Variants in STK3 observed in about 807,000 individuals in gnomAD.
STK3 encodes serine/threonine-protein kinase 3.
In STK3, 41 loss-of-function variants were observed where a neutral mutation model predicts 58.0. The ratio of observed to expected loss-of-function variants is 0.71; its 90% CI spans 0.55 to 0.92. The LOEUF is 0.92. Ranked by LOEUF, STK3 falls within the 40% of genes least tolerant of loss-of-function variation. The probability of loss-of-function intolerance (pLI) is 0.00; values close to 1 mark genes in which losing one functional copy is unlikely to be tolerated. For missense variants in STK3, 479 were observed against 602.7 expected, an observed-to-expected ratio of 0.79 and a Z score of 2.15; for synonymous variants, 170 against 191.0, an observed-to-expected ratio of 0.89 and a Z score of 0.91.
In STK3 at chr8:98,455,510, G is replaced by T. The variant is rs1161643789; in HGVS notation, c.*332C>A. On this transcript the variant is annotated 3_prime_UTR_variant, in exon 11 of 11. Transcript: ENST00000419617. ...GGAATAAAGAATATTGTAACATAAA[G>T]CCCTTCAGTGCTGTACAATGCAACA... The T allele has an allele frequency of 4.4e-6, 1 of 226,616 alleles. No homozygotes were observed. The highest frequency in any genetic ancestry group is 2.3e-5 in the African/African-American group (1 of 43,146). The allele number at this position is 226,616 out of a possible 1,614,324, so 14.0% of individuals were successfully genotyped here.
chr8:98,374,836 T>G (rs2130993344), intron 2 of STK3, among the ~76,000 whole-genome samples: 1 of 152,282 alleles, frequency 6.6e-6, no homozygotes, highest in South Asian at 2.1e-4. Flanking sequence ...AAAGATACTC[T>G]GGAAGGATAC....
chr8:98,753,694 T>G (rs1830120758), intron 3 of STK3, among the ~76,000 whole-genome samples: 1 of 151,952 alleles, frequency 6.6e-6, no homozygotes, highest in Non-Finnish European at 1.5e-5. Context: ...GTTTAAAATT[T>G]TCCCATTATA....
At chr8:98,347,408 G>A in the STK3 span, among the ~76,000 whole-genome samples, 3 of 151,558 alleles carry the variant, frequency 2.0e-5, no homozygotes, top group South Asian at 2.1e-4. Context: ...CCAGCTACTC[G>A]GGAGGCTGAG....
intron 3 of STK3, among the ~76,000 whole-genome samples, chr8:98,849,864 G>A (rs555889146): frequency 6.6e-6 from 1 of 152,228 alleles, no homozygotes; most frequent in Non-Finnish European, 1.5e-5. Flanking sequence ...CCATTCCTGT[G>A]GCAGGAATCA....
At chr8:98,466,356 C>T (rs949926717) in intron 10 of STK3, among the ~76,000 whole-genome samples, 27 of 152,166 alleles carry the variant, frequency 1.8e-4, no homozygotes, top group Admixed American at 1.6e-3. Context: ...TACACTCTTT[C>T]GGCTATGCAA....
At chr8:98,553,773 G>C (rs1039919120) in intron 8 of STK3, among the ~76,000 whole-genome samples, 3 of 152,054 alleles carry the variant, frequency 2.0e-5, no homozygotes, top group Non-Finnish European at 4.4e-5. Flanking sequence ...AGACCAGCCT[G>C]GCCAACATAG....
rs556253170 is a variant in STK3, at chr8:98,425,983, G to A, written n.483+8144C>T. Among the ~76,000 whole-genome samples the A allele has an allele frequency of 5.3e-5, 8 of 152,290 alleles. No homozygotes were observed. The East Asian group carries it at 1.5e-3, about 29-fold the overall frequency. ...AACACCAAAGGGAGGGGGCTCCCCAGGGACTGGGTCCATTTCTCAGCTCAG... is the reference window on the plus strand; with the variant it reads ...AACACCAAAGGGAGGGGGCTCCCCAAGGACTGGGTCCATTTCTCAGCTCAG... On this transcript the variant is annotated intron_variant and non_coding_transcript_variant, in intron 3 of 3. Transcript: ENST00000517832.
At position 98,887,857 on chromosome 8, in the gene STK3, A is replaced by G. The variant is rs554325739; in HGVS notation, c.-78-4023T>C. 2.1e-3 allele frequency among the ~76,000 whole-genome samples: 327 copies of G among 152,348 alleles called. 1 individual carries two copies. Among genetic ancestry groups the G allele is most frequent in the African/African-American group, 7.6e-3 (316 of 41,574 alleles). ...TGGACAAAGTACCACAAAGCCAAGC[A>G]GCTATGGAGAACACATGGCTCGAGG... On this transcript the variant is annotated intron_variant, in intron 1 of 1. Transcript: ENST00000519420.
intron 6 of STK3, among the ~76,000 whole-genome samples, chr8:98,662,179 A>G (rs1822016515): frequency 6.6e-6 from 1 of 152,218 alleles, no homozygotes; most frequent in Non-Finnish European, 1.5e-5. Flanking sequence ...TTTACTATCT[A>G]TAACAAAGAC....
Position 98,475,118 on chromosome 8 carries a change from T to G in STK3, c.1318-19118A>C, listed in dbSNP as rs565322258. ...TGATGAAGTTTCCTGAAATCTGAGCTCATCTGTATACCCATATCCAATGAC... is the reference window on the plus strand; with the variant it reads ...TGATGAAGTTTCCTGAAATCTGAGCGCATCTGTATACCCATATCCAATGAC... On this transcript the variant is annotated intron_variant, in intron 10 of 10. Transcript: ENST00000419617. Among the ~76,000 whole-genome samples, 5 of 152,230 alleles carry G rather than the reference T, an allele frequency of 3.3e-5. No individual in the cohort carries two copies. In the South Asian group the frequency reaches 1.0e-3, roughly 32 times the overall value.
intron 10 of STK3, among the ~76,000 whole-genome samples, chr8:98,490,002 C>T (rs1563658110): frequency 6.6e-6 from 1 of 152,056 alleles, no homozygotes; most frequent in Non-Finnish European, 1.5e-5. Flanking sequence ...TTAACTCTCC[C>T]CATTATTCCC....
chr8:98,864,159 C>A (rs1277036049), intron 3 of STK3, among the ~76,000 whole-genome samples: 1 of 138,080 alleles, frequency 7.2e-6, no homozygotes, highest in Non-Finnish European at 1.5e-5. Flanking sequence ...GATTGCACCA[C>A]TGCACTCCAG....
At chr8:98,909,209 T>C (rs1839039556) in intron 1 of STK3, among the ~76,000 whole-genome samples, 1 of 152,200 alleles carries the variant, frequency 6.6e-6, no homozygotes, top group African/African-American at 2.4e-5. Flanking sequence ...TTATTTGTGA[T>C]ATACTACTTT....
At chr8:98,887,974 G>C (rs562993847) in intron 1 of STK3, among the ~76,000 whole-genome samples, 1 of 152,178 alleles carries the variant, frequency 6.6e-6, no homozygotes, top group Non-Finnish European at 1.5e-5. Flanking sequence ...TCACATGCTG[G>C]GGGGAAGCAG....
intron 1 of STK3, among the ~76,000 whole-genome samples, chr8:98,915,167 G>A (rs187199215): frequency 6.6e-6 from 1 of 152,158 alleles, no homozygotes; most frequent in African/African-American, 2.4e-5. Context: ...AAACATTTGA[G>A]TCAGTGGGCT....
chr8:98,930,822 A>T (rs558482723), intron 1 of STK3, among the ~76,000 whole-genome samples: 1 of 152,352 alleles, frequency 6.6e-6, no homozygotes, highest in East Asian at 1.9e-4. Context: ...ATTGTCAGAG[A>T]CAGTGACCTC....
intron 1 of STK3, among the ~76,000 whole-genome samples, chr8:98,792,896 ATGTGTGTG>A (rs34465301): frequency 3.4e-5 from 5 of 145,760 alleles, no homozygotes; most frequent in African/African-American, 1.3e-4. Context: ...AAGAGACTGT[ATGTGTGTG>A]TGTGTGTGTG....
intron 1 of STK3, among the ~76,000 whole-genome samples, chr8:98,388,035 C>G (rs1817810671): frequency 6.6e-6 from 1 of 151,958 alleles, no homozygotes; most frequent in African/African-American, 2.4e-5. Context: ...CTGAAATGAA[C>G]AGTAATTGCA....
At chr8:98,716,491 C>T (rs1827026128) in intron 4 of STK3, among the ~76,000 whole-genome samples, 1 of 151,664 alleles carries the variant, frequency 6.6e-6, no homozygotes, top group Non-Finnish European at 1.5e-5. Flanking sequence ...AATATCTGTA[C>T]AATGAAAACT....
Sources: allele counts gnomAD v4.1 joint callset (sites outside exome capture counted in the v4.1 genomes callset), GRCh38; gene constraint gnomAD v4.1.1; transcripts MANE v1.5; gene names NCBI Gene and HGNC (gene_info 2026-07-23, HGNC 2026-07-21).